The following SIDT1 variants were observed in gnomAD, a reference collection of about 807,000 sequenced individuals.
SIDT1 encodes SID1 transmembrane family, member 1.
In SIDT1, 101 loss-of-function variants were observed where a neutral mutation model predicts 107.5. The observed-to-expected ratio is 0.94, with a 90% CI of 0.80 to 1.11. The LOEUF (loss-of-function observed/expected upper bound fraction) is 1.11, where lower values mean the gene tolerates loss of function less well. Among genes scored for constraint, SIDT1 ranks in the 50% least tolerant of loss-of-function variants. SIDT1 has a pLI of 0.00. For synonymous variants in SIDT1, 395 were observed against 398.2 expected (o/e 0.99, Z 0.10); for missense variants, 1,076 against 1,058.2 (o/e 1.02, Z -0.23).
chr3:113,589,596 C>T (rs34486120), intron 9 of SIDT1, among the ~76,000 whole-genome samples: 23,226 of 147,596 alleles, frequency 0.16, 1,893 homozygotes, highest in Non-Finnish European at 0.19. Flanking sequence ...TGCAGTGGCA[C>T]GATCTCAGCT....
chr3:113,627,521 T>G, intron 24 of SIDT1, 125 bp from the exon 25 acceptor site: 1 of 791,348 alleles, frequency 1.3e-6, no homozygotes, highest in East Asian at 2.5e-5. Flanking sequence ...TGCAGAGAGC[T>G]GCAGAAGGCA....
chr3:113,591,492 AAAG>A (rs750787764), intron 9 of SIDT1, among the ~76,000 whole-genome samples: 1 of 152,234 alleles, frequency 6.6e-6, no homozygotes, highest in African/African-American at 2.4e-5. Flanking sequence ...TGAAAAAAAA[AAAG>A]AAGAACGTTA....
At chr3:113,550,498 T>C (rs753364931) in intron 1 of SIDT1, among the ~76,000 whole-genome samples, 14 of 152,206 alleles carry the variant, frequency 9.2e-5, no homozygotes, top group Non-Finnish European at 1.9e-4. Context: ...GGGCAGTCAG[T>C]ATATATTTGT....
At chr3:113,600,170 T>C (rs1944856798) in intron 10 of SIDT1, among the ~76,000 whole-genome samples, 1 of 151,762 alleles carries the variant, frequency 6.6e-6, no homozygotes, top group African/African-American at 2.4e-5. Context: ...ATTAGCCAGT[T>C]GTGGTGATGT....
intron 1 of SIDT1, among the ~76,000 whole-genome samples, chr3:113,539,008 CTT>C (rs1938507077): frequency 6.6e-6 from 1 of 152,120 alleles, no homozygotes; most frequent in South Asian, 2.1e-4. Context: ...TTTTAATTCT[CTT>C]ATTTATTTTT....
At chr3:113,551,807 G>A (rs113321580) in intron 1 of SIDT1, among the ~76,000 whole-genome samples, 6,056 of 145,662 alleles carry the variant, frequency 0.042, 231 homozygotes, top group African/African-American at 0.11. Flanking sequence ...TGTGGATCCC[G>A]GGGGTAAAGT....
At chr3:113,570,451 T>C (rs975176112) in intron 3 of SIDT1, among the ~76,000 whole-genome samples, 2 of 136,368 alleles carry the variant, frequency 1.5e-5, no homozygotes, top group Admixed American at 7.2e-5. Flanking sequence ...TGGTCTTCTG[T>C]AAGGTTATTA....
intron 5 of SIDT1, 106 bp downstream of exon 5, chr3:113,580,815 C>T (rs1038803537): frequency 4.1e-6 from 3 of 732,578 alleles, no homozygotes; most frequent in Non-Finnish European, 7.2e-6. Flanking sequence ...GTGTATCTCC[C>T]TTCCAAAACT....
intron 12 of SIDT1, among the ~76,000 whole-genome samples, chr3:113,603,465 T>G (rs1273749683): frequency 1.3e-5 from 2 of 152,214 alleles, no homozygotes; most frequent in Non-Finnish European, 2.9e-5. Flanking sequence ...TTGAGGGGTG[T>G]ACTGGGGAAA....
intron 1 of SIDT1, among the ~76,000 whole-genome samples, chr3:113,547,874 G>A (rs1473916714): frequency 6.6e-6 from 1 of 152,070 alleles, no homozygotes; most frequent in East Asian, 1.9e-4. Context: ...ATTATTAATA[G>A]TAAAGTATGA....
At chr3:113,536,306 A>T (rs1938154220) in intron 1 of SIDT1, among the ~76,000 whole-genome samples, 1 of 152,182 alleles carries the variant, frequency 6.6e-6, no homozygotes, top group Non-Finnish European at 1.5e-5. Flanking sequence ...CCCCAGACCT[A>T]CGATCTTTAG....
At chr3:113,556,361 G>A (rs1560028814) in intron 1 of SIDT1, among the ~76,000 whole-genome samples, 4 of 152,280 alleles carry the variant, frequency 2.6e-5, no homozygotes, top group African/African-American at 9.6e-5. Flanking sequence ...AAAAGCTTGG[G>A]ATGAAACGCT....
At chr3:113,604,165 A>G in intron 13 of SIDT1, 132 bp downstream of exon 13, 4 of 599,316 alleles carry the variant, frequency 6.7e-6, no homozygotes, top group Non-Finnish European at 1.1e-5. Context: ...TTACCAGCCA[A>G]CTATCAGTAG....
At chr3:113,568,517 C>G (rs1230671904) in intron 3 of SIDT1, among the ~76,000 whole-genome samples, 1 of 150,928 alleles carries the variant, frequency 6.6e-6, no homozygotes, top group Non-Finnish European at 1.5e-5. Flanking sequence ...TGGCATGAAC[C>G]TGGGAGGCGG....
intron 9 of SIDT1, among the ~76,000 whole-genome samples, chr3:113,592,326 C>T (rs2614197): frequency 0.061 from 9,224 of 152,186 alleles, 734 homozygotes; most frequent in East Asian, 0.25. Flanking sequence ...CAATCTAATA[C>T]TAAAACTCAC....
chr3:113,573,422 G>A (rs770670985), intron 3 of SIDT1, among the ~76,000 whole-genome samples: 1 of 152,214 alleles, frequency 6.6e-6, no homozygotes, highest in Non-Finnish European at 1.5e-5. Flanking sequence ...GAACAAGGCT[G>A]TGGGTAACAT....
chr3:113,592,942 G>T, intron 9 of SIDT1, 63 bp from the exon 10 acceptor site: 1 of 1,288,880 alleles, frequency 7.8e-7, no homozygotes, highest in African/African-American at 1.5e-5. Context: ...AATCTATAAG[G>T]AACAAATGTA....
chr3:113,547,358 A>C (rs1455791195), intron 1 of SIDT1, among the ~76,000 whole-genome samples: 1 of 152,166 alleles, frequency 6.6e-6, no homozygotes, highest in South Asian at 2.1e-4. Context: ...GATCTCATAG[A>C]AGGAAAATTA....
intron 1 of SIDT1, 89 bp from the exon 2 acceptor site, chr3:113,566,331 T>C: frequency 7.8e-7 from 1 of 1,276,626 alleles, no homozygotes. Flanking sequence ...TGTGTGTTTG[T>C]GTGTGTTTGT....
Sources: allele counts gnomAD v4.1 joint callset (sites outside exome capture counted in the v4.1 genomes callset), GRCh38; gene constraint gnomAD v4.1.1; transcripts MANE v1.5; gene names NCBI Gene and HGNC (gene_info 2026-07-23, HGNC 2026-07-21).